The following EXOC6B variants were observed in gnomAD, a reference collection of about 807,000 sequenced individuals.
EXOC6B encodes exocyst complex component 6B.
A neutral mutation model predicts 113.5 loss-of-function variants in EXOC6B; 54 were observed. That is an observed-to-expected ratio of 0.48 (90% CI 0.38 to 0.60). The LOEUF (loss-of-function observed/expected upper bound fraction) is 0.60. Among genes scored for constraint, EXOC6B ranks in the 20% least tolerant of loss-of-function variants. The pLI, the probability that EXOC6B is intolerant of heterozygous loss-of-function variation, is 0.00. For missense variants in EXOC6B, 797 were observed against 977.5 expected (o/e 0.82, Z 2.46); for synonymous variants, 357 against 339.0 (o/e 1.05, Z -0.58).
intron 20 of EXOC6B, among the ~76,000 whole-genome samples, chr2:72,228,549 A>G (rs1280164249): frequency 1.3e-5 from 2 of 151,892 alleles, no homozygotes; most frequent in African/African-American, 4.8e-5. Context: ...GTTTGCTGAG[A>G]ATGATGGTTT....
At chr2:72,299,373 G>C (rs1355493479) in intron 20 of EXOC6B, among the ~76,000 whole-genome samples, 1 of 151,178 alleles carries the variant, frequency 6.6e-6, no homozygotes, top group Admixed American at 6.6e-5. Flanking sequence ...GTTATTCTAG[G>C]TAGCATCTAG....
chr2:72,585,391 A>AGTT (rs1251104661), intron 6 of EXOC6B, among the ~76,000 whole-genome samples: 1 of 152,178 alleles, frequency 6.6e-6, no homozygotes, highest in Non-Finnish European at 1.5e-5. Flanking sequence ...TGAGGTCAGG[A>AGTT]GTTTGAGACC....
intron 20 of EXOC6B, among the ~76,000 whole-genome samples, chr2:72,283,627 T>C (rs1685258308): frequency 1.3e-5 from 2 of 152,024 alleles, no homozygotes; most frequent in South Asian, 4.1e-4. Context: ...ATTCTCACAG[T>C]AAATATCAGA....
At chr2:72,258,176 C>T (rs1683469341) in intron 20 of EXOC6B, among the ~76,000 whole-genome samples, 1 of 152,052 alleles carries the variant, frequency 6.6e-6, no homozygotes, top group Non-Finnish European at 1.5e-5. Context: ...AGCAAGAAAA[C>T]AGTGTTGTCT....
intron 6 of EXOC6B, among the ~76,000 whole-genome samples, chr2:72,644,112 G>C (rs1673493081): frequency 6.6e-6 from 1 of 152,124 alleles, no homozygotes; most frequent in Non-Finnish European, 1.5e-5. Flanking sequence ...ATGAACTGAT[G>C]GAGCTGAAAA....
chr2:72,636,305 G>A (rs1365229397), intron 6 of EXOC6B, among the ~76,000 whole-genome samples: 5 of 137,296 alleles, frequency 3.6e-5, no homozygotes, highest in African/African-American at 1.3e-4. Flanking sequence ...GGCAGGGAGG[G>A]AGGCAGGGAG....
Position 72,487,606 on chromosome 2 carries a change from G to A in EXOC6B, c.1665+4712C>T, listed in dbSNP as rs533196070. ...GAACTCCTGAGCTCGTGATTCACCC[G>A]CCTCAGCCTCCCAAAGTGTTGGGAT... On this transcript the variant is annotated intron_variant, in intron 16 of 21. Transcript: ENST00000272427. 1.6e-4 allele frequency among the ~76,000 whole-genome samples: 25 copies of A among 152,248 alleles called. No individual in the cohort carries two copies. The South Asian group carries it at 5.0e-3, about 30-fold the overall frequency.
chr2:72,286,217 A>G (rs1452923302), intron 20 of EXOC6B, among the ~76,000 whole-genome samples: 1 of 152,258 alleles, frequency 6.6e-6, no homozygotes, highest in Non-Finnish European at 1.5e-5. Flanking sequence ...AACTACAGTC[A>G]TAATTGCTGA....
chr2:72,546,404 T>C (rs1702900428), intron 8 of EXOC6B, among the ~76,000 whole-genome samples: 1 of 151,934 alleles, frequency 6.6e-6, no homozygotes, highest in Admixed American at 6.6e-5. Context: ...ATGGCGCCAT[T>C]GCACTCCAGC....
chr2:72,252,429 T>C (rs1042600292), intron 20 of EXOC6B, among the ~76,000 whole-genome samples: 3 of 152,154 alleles, frequency 2.0e-5, no homozygotes, highest in East Asian at 1.9e-4. Flanking sequence ...TAGAAAGTCA[T>C]GCCATTGCAC....
chr2:72,491,719 CTCT>C (rs1453055339), intron 16 of EXOC6B, among the ~76,000 whole-genome samples: 7 of 152,076 alleles, frequency 4.6e-5, no homozygotes, highest in Admixed American at 3.3e-4. Flanking sequence ...AATATCCCTC[CTCT>C]TTTTATGAGA....
At chr2:72,370,490 G>A (rs1690930809) in intron 19 of EXOC6B, among the ~76,000 whole-genome samples, 1 of 152,150 alleles carries the variant, frequency 6.6e-6, no homozygotes, top group South Asian at 2.1e-4. Flanking sequence ...AATACCATTT[G>A]ACCCAGCCAT....
intron 20 of EXOC6B, among the ~76,000 whole-genome samples, chr2:72,252,245 CA>C (rs1348972236): frequency 1.5e-4 from 23 of 152,118 alleles, no homozygotes; most frequent in African/African-American, 4.8e-4. Flanking sequence ...TTTATATAAA[CA>C]GGGGTAAAAT....
intron 20 of EXOC6B, among the ~76,000 whole-genome samples, chr2:72,300,051 T>C (rs1461984234): frequency 6.6e-6 from 1 of 152,172 alleles, no homozygotes; most frequent in Non-Finnish European, 1.5e-5. Flanking sequence ...TCAAATGCTG[T>C]GCTTGGAGAT....
chr2:72,405,907 C>A (rs924251023), intron 18 of EXOC6B, among the ~76,000 whole-genome samples: 5 of 152,094 alleles, frequency 3.3e-5, no homozygotes, highest in African/African-American at 9.7e-5. Flanking sequence ...CACAGACTGG[C>A]AAATTGGATA....
chr2:72,673,612 T>C (rs1284847140), intron 6 of EXOC6B, among the ~76,000 whole-genome samples: 1 of 152,112 alleles, frequency 6.6e-6, no homozygotes, highest in South Asian at 2.1e-4. Flanking sequence ...AAGCAGATTA[T>C]TTAGCACACT....
intron 20 of EXOC6B, among the ~76,000 whole-genome samples, chr2:72,188,617 T>C (rs1678602946): frequency 6.6e-6 from 1 of 152,220 alleles, no homozygotes; most frequent in African/African-American, 2.4e-5. Flanking sequence ...TTTATCCGTA[T>C]AGTACTTTGA....
intron 1 of EXOC6B, among the ~76,000 whole-genome samples, chr2:72,758,647 A>C (rs1682584090): frequency 6.6e-6 from 1 of 152,164 alleles, no homozygotes; most frequent in South Asian, 2.1e-4. Flanking sequence ...TACAGGGAAA[A>C]AAGGAACCTC....
intron 17 of EXOC6B, among the ~76,000 whole-genome samples, chr2:72,467,934 C>T (rs1698154863): frequency 6.6e-6 from 1 of 151,988 alleles, no homozygotes; most frequent in African/African-American, 2.4e-5. Flanking sequence ...CTATGCCTGG[C>T]TAATTTTTGT....
Sources: allele counts gnomAD v4.1 joint callset (sites outside exome capture counted in the v4.1 genomes callset), GRCh38; gene constraint gnomAD v4.1.1; transcripts MANE v1.5; gene names NCBI Gene and HGNC (gene_info 2026-07-23, HGNC 2026-07-21).